The following COL24A1 variants were observed in gnomAD, a reference collection of about 807,000 sequenced individuals.
The protein encoded by COL24A1 is collagen alpha-1(XXIV) chain.
Under a neutral mutation model 253.9 loss-of-function variants are expected in COL24A1, and 224 were observed. The observed-to-expected ratio is 0.88, with a 90% CI of 0.79 to 0.99. The LOEUF is 0.99. Among genes scored for constraint, COL24A1 ranks in the 50% least tolerant of loss-of-function variants. COL24A1 has a pLI of 0.00. For synonymous variants in COL24A1, 685 were observed against 673.7 expected (o/e 1.02, Z -0.26); for missense variants, 2,131 against 2,068.5 (o/e 1.03, Z -0.59).
At position 85,823,471 on chromosome 1, in the gene COL24A1, T is replaced by G. The variant is rs182358438; in HGVS notation, c.3789+65A>C. On this transcript the variant is annotated intron_variant, in intron 45 of 59. Coordinates refer to ENST00000370571, the MANE Select transcript of COL24A1 (RefSeq NM_152890.7). The stretch of plus-strand genomic sequence containing the variant: ...TGAATTACAATAAATAGTAACTCCT[T>G]GTGCTCCTGCTTTCTAAAATTGCTA... 31 of 1,448,480 alleles carry G rather than the reference T, an allele frequency of 2.1e-5. 1 individual carries two copies. In the East Asian group the frequency reaches 6.2e-4, roughly 29 times the overall value. 89.7% of individuals were successfully genotyped at this position (1,448,480 alleles called of 1,614,324 possible).
chr1:85,747,019 A>C (rs891279687), intron 55 of COL24A1, among the ~76,000 whole-genome samples: 13 of 151,996 alleles, frequency 8.6e-5, no homozygotes, highest in African/African-American at 3.1e-4. Flanking sequence ...AACTCTTCAG[A>C]ATCAGAATCC....
intron 37 of COL24A1, among the ~76,000 whole-genome samples, chr1:85,864,466 C>T (rs780256910): frequency 3.3e-5 from 5 of 151,986 alleles, no homozygotes; most frequent in Non-Finnish European, 7.4e-5. Flanking sequence ...GGGTGCAGCA[C>T]ACCAACATGG....
chr1:85,730,685 T>C lies in COL24A1; in HGVS notation c.5006A>G (p.Asp1669Gly). The C allele has an allele frequency of 6.2e-7, 1 of 1,613,828 alleles. No individual in the cohort carries two copies. The highest frequency in any genetic ancestry group is 8.5e-7 in the Non-Finnish European group (1 of 1,179,814). Residue 1669 changes from aspartate to glycine, a missense_variant, in exon 60 of 60, where the codon GAT becomes GGT. Coordinates refer to ENST00000370571, the MANE Select transcript of COL24A1 (RefSeq NM_152890.7). Reference sequence around the variant, plus strand: ...AAATGTTGCCTTATGCCAGCTGCCATCTTGAATCTGTAAAATAAGAACAAA... The same window carrying C: ...AAATGTTGCCTTATGCCAGCTGCCACCTTGAATCTGTAAAATAAGAACAAA... ...KVLSDDCKIQDGSWHKATFLF... is the reference protein window; with the variant it reads ...KVLSDDCKIQGGSWHKATFLF...
chr1:86,139,543 T>G (rs981374771), intron 2 of COL24A1, among the ~76,000 whole-genome samples: 2 of 152,210 alleles, frequency 1.3e-5, no homozygotes, highest in Non-Finnish European at 2.9e-5. Context: ...ATTGGTAGTT[T>G]AAAATACTTA....
chr1:86,049,833 T>C (rs1207776726), intron 11 of COL24A1, among the ~76,000 whole-genome samples: 1 of 152,126 alleles, frequency 6.6e-6, no homozygotes, highest in Non-Finnish European at 1.5e-5. Flanking sequence ...TAATTCATTA[T>C]AATGAATTAC....
At position 85,744,750 on chromosome 1, in the gene COL24A1, T is replaced by C; in HGVS notation, c.4588A>G (p.Ser1530Gly). 1.2e-6 allele frequency: 2 copies of C among 1,609,236 alleles called. No homozygotes were observed. Among genetic ancestry groups the C allele is most frequent in the Non-Finnish European group, 1.7e-6 (2 of 1,178,540 alleles). The change falls in exon 57 of 60, where the codon AGC becomes GGC. Residue 1530 changes from serine (S) to glycine (G), a missense_variant. Coordinates refer to ENST00000370571, the MANE Select transcript of COL24A1 (RefSeq NM_152890.7). ...CGTGTGCCAAGAGGATTCTTGATGC[T>C]GTGCAATAAATTGCTAAGGTAGTTC... Reference protein sequence around the residue: ...TLNYLSNLLHSIKNPLGTRDN... With the variant: ...TLNYLSNLLHGIKNPLGTRDN...
At position 85,895,908 on chromosome 1, in the gene COL24A1, T is replaced by A; in HGVS notation, c.2878-6A>T. 6.2e-7 allele frequency: 1 copy of A among 1,608,198 alleles called. No individual in the cohort carries two copies. Among genetic ancestry groups the A allele is most frequent in the Non-Finnish European group, 8.5e-7 (1 of 1,178,480 alleles). On this transcript the variant is annotated splice_region_variant and splice_polypyrimidine_tract_variant and intron_variant, in intron 30 of 59. Transcript: ENST00000370571. The stretch of plus-strand genomic sequence containing the variant: ...CCAGGGTTTCCAGTCTTACCCTACA[T>A]GAGAAAGAAAATTCTTGAGTCAAGT...
chr1:85,787,524 C>T (rs138288150), intron 47 of COL24A1, among the ~76,000 whole-genome samples: 40 of 152,218 alleles, frequency 2.6e-4, no homozygotes, highest in African/African-American at 7.9e-4. Context: ...CATCTATATC[C>T]CTGCAAAGGA....
intron 2 of COL24A1, among the ~76,000 whole-genome samples, chr1:86,141,772 C>T (rs377080228): frequency 2.0e-5 from 3 of 151,522 alleles, no homozygotes; most frequent in African/African-American, 7.3e-5. Flanking sequence ...ACGATCTCAG[C>T]GCCCTGCAAC....
intron 31 of COL24A1, among the ~76,000 whole-genome samples, chr1:85,890,239 T>A (rs1292562398): frequency 2.6e-5 from 4 of 152,172 alleles, no homozygotes; most frequent in Non-Finnish European, 5.9e-5. Context: ...GTCCCTTTTT[T>A]CAATTATTTG....
At chr1:85,754,437 A>G (rs1665966970) in intron 55 of COL24A1, among the ~76,000 whole-genome samples, 1 of 99,228 alleles carries the variant, frequency 1.0e-5, no homozygotes, top group Non-Finnish European at 2.0e-5. Context: ...ACCTAATGCT[A>G]GATGACACGT....
Position 86,092,258 on chromosome 1 carries a change from A to C in COL24A1, c.1653+9T>G, listed in dbSNP as rs1031565858. Reference sequence around the variant, plus strand: ...TTACCATAATTTCATTTCATGGTCAAATAATTACCTTTTCTCCAGGAACAG... The same window carrying C: ...TTACCATAATTTCATTTCATGGTCACATAATTACCTTTTCTCCAGGAACAG... On this transcript the variant is annotated intron_variant, in intron 6 of 59. Transcript: ENST00000370571. The C allele has an allele frequency of 1.3e-6, 2 of 1,584,440 alleles. No homozygotes were observed. The highest frequency in any genetic ancestry group is 1.7e-5 in the Admixed American group (1 of 57,670).
At chr1:85,778,358 C>T (rs1668809346) in intron 52 of COL24A1, among the ~76,000 whole-genome samples, 1 of 152,108 alleles carries the variant, frequency 6.6e-6, no homozygotes, top group African/African-American at 2.4e-5. Flanking sequence ...CAGCCTCAGC[C>T]TCCCAAAGTG....
chr1:86,016,885 C>T (rs17128720), intron 19 of COL24A1, among the ~76,000 whole-genome samples: 1,684 of 152,244 alleles, frequency 0.011, 40 homozygotes, highest in African/African-American at 0.039. Context: ...GCCTCAAGTA[C>T]TTGTTATTAA....
chr1:86,135,286 G>T (rs969840703), intron 2 of COL24A1, among the ~76,000 whole-genome samples: 1 of 152,044 alleles, frequency 6.6e-6, no homozygotes. Context: ...ACACTGATGT[G>T]TCTTGACTCT....
intron 55 of COL24A1, among the ~76,000 whole-genome samples, chr1:85,745,958 C>T (rs1665164382): frequency 6.6e-6 from 1 of 152,160 alleles, no homozygotes. Flanking sequence ...TAATCTGATA[C>T]TTCTGCGGTT....
intron 7 of COL24A1, among the ~76,000 whole-genome samples, chr1:86,075,218 C>T (rs1323042622): frequency 7.2e-5 from 11 of 152,040 alleles, no homozygotes; most frequent in South Asian, 4.2e-4. Context: ...ATATCATCAC[C>T]GATCCCACAG....
chr1:85,764,949 C>T (rs1667212484), intron 53 of COL24A1, among the ~76,000 whole-genome samples: 1 of 151,930 alleles, frequency 6.6e-6, no homozygotes, highest in African/African-American at 2.4e-5. Context: ...AAGGTGTACA[C>T]AAGCATACAG....
chr1:85,980,121 T>G (rs1311518952), intron 20 of COL24A1, among the ~76,000 whole-genome samples: 1 of 152,178 alleles, frequency 6.6e-6, no homozygotes, highest in Admixed American at 6.5e-5. Flanking sequence ...AAAAAGCATT[T>G]GAGAAAATTC....
Sources: allele counts gnomAD v4.1 joint callset (sites outside exome capture counted in the v4.1 genomes callset), GRCh38; gene constraint gnomAD v4.1.1; transcripts MANE v1.5; gene names NCBI Gene and HGNC (gene_info 2026-07-23, HGNC 2026-07-21).